The following HS6ST2 variants were observed in gnomAD, a reference collection of about 807,000 sequenced individuals.
The protein encoded by HS6ST2 is heparan-sulfate 6-O-sulfotransferase 2.
In HS6ST2, 17 loss-of-function variants were observed where a neutral mutation model predicts 33.0. The observed-to-expected ratio is 0.52, with a 90% CI of 0.35 to 0.77. The LOEUF is 0.77. Ranked by LOEUF, HS6ST2 falls within the 30% of genes least tolerant of loss-of-function variation. HS6ST2 has a pLI of 0.01. For synonymous variants in HS6ST2, 248 were observed against 237.1 expected (o/e 1.05, Z -0.42); for missense variants, 519 against 551.7 (o/e 0.94, Z 0.59).
chrX:132,850,130 T>C (rs1602747029), intron 2 of HS6ST2, among the ~76,000 whole-genome samples: 1 of 112,403 alleles, frequency 8.9e-6, no homozygotes, highest in South Asian at 3.6e-4. Flanking sequence ...ACTTTGTGTT[T>C]GGGAAAAAAT....
In HS6ST2 at chrX:132,890,413, T is replaced by C. The variant is rs186072085; in HGVS notation, c.947+66395A>G. On this transcript the variant is annotated intron_variant, in intron 2 of 4. Coordinates refer to ENST00000370833, the MANE Select transcript of HS6ST2 (RefSeq NM_001394073.1). ...AGGTTGGTGCATAAGTAATTGCAGT[T>C]TTTGCCATTAAAAGTAATGGCAAAA... Among the ~76,000 whole-genome samples the C allele has an allele frequency of 3.7e-4, 39 of 106,160 alleles. 1 individual carries two copies. The Admixed American group carries it at 3.9e-3, about 11-fold the overall frequency. 92.2% of individuals were successfully genotyped at this position (106,160 alleles called of 115,157 possible).
chrX:132,874,297 G>T (rs990427328), intron 2 of HS6ST2, among the ~76,000 whole-genome samples: 1 of 112,624 alleles, frequency 8.9e-6, no homozygotes, highest in African/African-American at 3.2e-5. Flanking sequence ...ACACCTTCCG[G>T]CTGGGCATGG....
intron 2 of HS6ST2, among the ~76,000 whole-genome samples, chrX:132,731,404 G>A (rs2064455367): frequency 2.7e-5 from 3 of 111,855 alleles, no homozygotes; most frequent in Non-Finnish European, 5.6e-5. Flanking sequence ...AGTTGCTCTG[G>A]ATCCAATTTA....
chrX:132,942,607 C>T (rs985879826), intron 2 of HS6ST2, among the ~76,000 whole-genome samples: 2 of 111,933 alleles, frequency 1.8e-5, no homozygotes, highest in African/African-American at 6.5e-5. Context: ...CTTCAGGATT[C>T]ATTTCATCTA....
chrX:132,663,036 A>G (rs1928413849), intron 4 of HS6ST2, among the ~76,000 whole-genome samples: 1 of 111,902 alleles, frequency 8.9e-6, no homozygotes, highest in Admixed American at 9.5e-5. Flanking sequence ...GCCAGGCACT[A>G]TGAGAGCCTT....
intron 2 of HS6ST2, among the ~76,000 whole-genome samples, chrX:132,729,503 C>T (rs2064434156): frequency 9.0e-6 from 1 of 111,188 alleles, no homozygotes; most frequent in Non-Finnish European, 1.9e-5. Flanking sequence ...CTCTCTTTTC[C>T]AAATATATGT....
chrX:132,825,206 T>C (rs1169386752), intron 2 of HS6ST2, among the ~76,000 whole-genome samples: 1 of 111,505 alleles, frequency 9.0e-6, no homozygotes, highest in East Asian at 2.8e-4. Context: ...CTAAAAGGTC[T>C]CTGAGATCCC....
intron 2 of HS6ST2, among the ~76,000 whole-genome samples, chrX:132,820,415 G>T (rs1288073960): frequency 7.2e-5 from 8 of 111,744 alleles, no homozygotes; most frequent in African/African-American, 2.3e-4. Flanking sequence ...GTAGGTAGGA[G>T]AGGGGGCAGC....
intron 4 of HS6ST2, among the ~76,000 whole-genome samples, chrX:132,664,585 C>G (rs1602555773): frequency 8.9e-6 from 1 of 111,732 alleles, no homozygotes; most frequent in East Asian, 2.8e-4. Flanking sequence ...TCTTTTTCTC[C>G]ATTTTAATAT....
At chrX:132,882,290 T>C (rs770866216) in intron 2 of HS6ST2, among the ~76,000 whole-genome samples, 5 of 111,416 alleles carry the variant, frequency 4.5e-5, no homozygotes, top group African/African-American at 1.6e-4. Flanking sequence ...TTGTGTCCTC[T>C]TTTATTTCCT....
intron 3 of HS6ST2, among the ~76,000 whole-genome samples, chrX:132,687,473 T>C (rs761591653): frequency 2.7e-5 from 3 of 110,767 alleles, no homozygotes; most frequent in South Asian, 4.0e-4. Context: ...TAAACATTTA[T>C]TGGCCCCAAG....
chrX:132,898,381 T>TTATATATA (rs10545986), intron 2 of HS6ST2, among the ~76,000 whole-genome samples: 965 of 89,144 alleles, frequency 0.011, 6 homozygotes, highest in Middle Eastern at 0.018. Flanking sequence ...CAACATAAGG[T>TTATATATA]TATATATATA....
chrX:132,648,538 CA>C (rs386417567), intron 4 of HS6ST2, among the ~76,000 whole-genome samples: 339 of 57,526 alleles, frequency 5.9e-3, no homozygotes, highest in Middle Eastern at 0.02. Flanking sequence ...TGGAAAGAGA[CA>C]AAAAAAAAAA....
chrX:132,915,755 GTC>G (rs1401417272), intron 2 of HS6ST2, among the ~76,000 whole-genome samples: 1 of 106,880 alleles, frequency 9.4e-6, no homozygotes, highest in Non-Finnish European at 1.9e-5. Context: ...TTGAGAGAGA[GTC>G]TCTCTCTGTT....
At chrX:132,776,955 A>G (rs892523273) in intron 2 of HS6ST2, among the ~76,000 whole-genome samples, 2 of 109,688 alleles carry the variant, frequency 1.8e-5, no homozygotes, top group African/African-American at 3.3e-5. Flanking sequence ...TGACTGTCTC[A>G]TACTAATTTG....
intron 2 of HS6ST2, among the ~76,000 whole-genome samples, chrX:132,709,552 G>T (rs1316163017): frequency 9.0e-6 from 1 of 110,703 alleles, no homozygotes; most frequent in Non-Finnish European, 1.9e-5. Flanking sequence ...TGCTGGGGAA[G>T]CAAATGTCAT....
chrX:132,955,610 C>T (rs1225596732), intron 2 of HS6ST2, among the ~76,000 whole-genome samples: 2 of 111,681 alleles, frequency 1.8e-5, no homozygotes, highest in Non-Finnish European at 3.8e-5. Flanking sequence ...GCCCAGAGAC[C>T]CCATCCAGAG....
At chrX:132,928,540 C>T (rs1843750866) in intron 2 of HS6ST2, among the ~76,000 whole-genome samples, 1 of 100 alleles carries the variant, frequency 0.01, no homozygotes, top group Admixed American at 0.12. Flanking sequence ...GCCCCACCTC[C>T]AATTATTGTG....
chrX:132,830,704 G>A (rs913203416), intron 2 of HS6ST2, among the ~76,000 whole-genome samples: 13 of 111,596 alleles, frequency 1.2e-4, no homozygotes, highest in Admixed American at 2.9e-4. Context: ...AGCCAAAACC[G>A]TTAGAAAGAG....
Sources: gnomAD v4.1 joint callset for allele counts (sites outside exome capture counted in the v4.1 genomes callset) on GRCh38, gnomAD v4.1.1 for gene constraint, MANE v1.5 for transcripts, NCBI Gene and HGNC (gene_info 2026-07-23, HGNC 2026-07-21) for gene names.